Variants in JAK2 observed in about 807,000 individuals in gnomAD.
JAK2 encodes tyrosine-protein kinase JAK2.
JAK2 carries 86 observed loss-of-function variants against 139.3 expected under a neutral mutation model. The observed-to-expected ratio is 0.62, with a 90% confidence interval of 0.52 to 0.74. JAK2 has a LOEUF of 0.74. Ranked by LOEUF, JAK2 falls within the 30% of genes least tolerant of loss-of-function variation. The probability of loss-of-function intolerance (pLI) is 0.00; values close to 1 mark genes in which losing one functional copy is unlikely to be tolerated. For missense variants in JAK2, 1,421 were observed against 1,360.3 expected, an observed-to-expected ratio of 1.04 and a Z score of -0.70; for synonymous variants, 490 against 437.7, an observed-to-expected ratio of 1.12 and a Z score of -1.49.
At chr9:5,120,485 C>T (rs992669762) in intron 22 of JAK2, among the ~76,000 whole-genome samples, 3 of 152,114 alleles carry the variant, frequency 2.0e-5, no homozygotes, top group Non-Finnish European at 4.4e-5. Flanking sequence ...TTTTCTTGTT[C>T]GAAAAGGCTC....
chr9:5,022,917 T>C (rs1822525618), intron 3 of JAK2, among the ~76,000 whole-genome samples: 1 of 152,240 alleles, frequency 6.6e-6, no homozygotes, highest in Admixed American at 6.5e-5. Context: ...ATGTCTAATA[T>C]AGTATTTATA....
rs1819634942 is a variant in JAK2 at position 5,080,789 on chromosome 9, T to C, written c.2434+106T>C. On this transcript the variant is annotated intron_variant, in intron 18 of 24. Coordinates refer to ENST00000381652, the MANE Select transcript of JAK2 (RefSeq NM_004972.4). ...CTTTAAAACATTTTCTTGATGTCAT[T>C]TGGGCCCTCTTAATTTCTTATGTTC... 1.0e-5 allele frequency: 8 copies of C among 799,300 alleles called. No individual in the cohort carries two copies. In the South Asian group the frequency reaches 1.8e-4, roughly 18 times the overall value. 49.5% of individuals were successfully genotyped at this position (799,300 alleles called of 1,614,324 possible).
chr9:5,016,969 T>A (rs1484770556), intron 2 of JAK2, among the ~76,000 whole-genome samples: 2 of 152,198 alleles, frequency 1.3e-5, no homozygotes, highest in African/African-American at 4.8e-5. Flanking sequence ...AGATTAAAAG[T>A]ATGTAGTCAT....
chr9:5,078,572 CT>C, intron 16 of JAK2, 128 bp downstream of exon 16: 3 of 719,636 alleles, frequency 4.2e-6, no homozygotes, highest in African/African-American at 1.8e-5. Flanking sequence ...AAAATTATCA[CT>C]TTTAGCAATT....
intron 3 of JAK2, among the ~76,000 whole-genome samples, chr9:5,023,366 C>T (rs1487825123): frequency 6.6e-6 from 1 of 152,140 alleles, no homozygotes; most frequent in East Asian, 1.9e-4. Context: ...CACTGGGCCC[C>T]AGGGGAGTAC....
intron 22 of JAK2, chr9:5,112,492 G>A (rs557983956): frequency 5.0e-5 from 28 of 555,088 alleles, no homozygotes; most frequent in East Asian, 2.3e-4. Context: ...AGACAAGGAC[G>A]AGGAGGAAGA....
intron 5 of JAK2, among the ~76,000 whole-genome samples, chr9:5,048,829 G>C (rs1297389966): frequency 6.6e-6 from 1 of 152,180 alleles, no homozygotes; most frequent in Non-Finnish European, 1.5e-5. Flanking sequence ...GAGAAATACA[G>C]ATGTAGAGTA....
chr9:5,072,226 G>C lies in JAK2; in HGVS notation c.1642-266G>C, dbSNP rs139682409. 3.9e-5 allele frequency among the ~76,000 whole-genome samples: 6 copies of C among 152,228 alleles called. No homozygotes were observed. In the East Asian group the frequency reaches 5.8e-4, roughly 15 times the overall value. ...TAAACACTGACTCTATTTTTAAAAAGTGACAATTATAGCCCATTCAGGAGA... is the reference window on the plus strand; with the variant it reads ...TAAACACTGACTCTATTTTTAAAAACTGACAATTATAGCCCATTCAGGAGA... On this transcript the variant is annotated intron_variant, in intron 12 of 24. Coordinates refer to ENST00000381652, the MANE Select transcript of JAK2 (RefSeq NM_004972.4).
intron 9 of JAK2, among the ~76,000 whole-genome samples, 158 bp from the exon 10 acceptor site, chr9:5,066,520 C>T (rs1818581703): frequency 6.6e-6 from 1 of 151,964 alleles, no homozygotes; most frequent in South Asian, 2.1e-4. Flanking sequence ...TAGCTTGGTA[C>T]TTTGATTTTT....
intron 22 of JAK2, chr9:5,096,886 T>C (rs549029175): frequency 1.3e-5 from 2 of 152,276 alleles, no homozygotes; most frequent in East Asian, 3.9e-4. Flanking sequence ...ATATCAATTA[T>C]AATTGGGGGT....
intron 8 of JAK2, among the ~76,000 whole-genome samples, chr9:5,064,422 C>T (rs2130487408): frequency 6.6e-6 from 1 of 150,626 alleles, no homozygotes; most frequent in South Asian, 2.1e-4. Flanking sequence ...CCCAGCTACT[C>T]ATGAGGGTGA....
intron 22 of JAK2, chr9:5,114,864 G>A (rs1272451016): frequency 4.4e-6 from 1 of 225,100 alleles, no homozygotes; most frequent in Non-Finnish European, 8.9e-6. Flanking sequence ...GGGAAGGGCT[G>A]GCCAGACCTT....
chr9:5,120,427 T>G lies in JAK2; in HGVS notation c.3060-2577T>G, dbSNP rs139385557. ...CAGGATTTTGCCCATGATATCATTTTTTTAAAAACTCAATTTCATTTAAAA... is the reference window on the plus strand; with the variant it reads ...CAGGATTTTGCCCATGATATCATTTGTTTAAAAACTCAATTTCATTTAAAA... On this transcript the variant is annotated intron_variant, in intron 22 of 24. Transcript: ENST00000381652. Among the ~76,000 whole-genome samples, 32 of 152,378 alleles carry G rather than the reference T, an allele frequency of 2.1e-4. No individual in the cohort carries two copies. The East Asian group carries it at 6.0e-3, about 28-fold the overall frequency.
In JAK2 at chr9:5,073,793, A is replaced by G; in HGVS notation, c.1864+8A>G. 6.4e-7 allele frequency: 1 copy of G among 1,558,980 alleles called. No individual in the cohort carries two copies. Among genetic ancestry groups the G allele is most frequent in the Non-Finnish European group, 8.8e-7 (1 of 1,132,798 alleles). ...GTGTCTGTGGAGACGAGAGTAAGTA[A>G]AACTACAGGCTTTCTAATGCCTTTC... On this transcript the variant is annotated splice_region_variant and intron_variant, in intron 14 of 24. Transcript: ENST00000381652.
In JAK2 at chr9:5,128,178, A is replaced by T. The variant is rs773541477; in HGVS notation, c.*1387A>T. The T allele has an allele frequency of 1.3e-5, 3 of 230,862 alleles. No individual in the cohort carries two copies. Among genetic ancestry groups the T allele is most frequent in the Admixed American group, 5.7e-5 (1 of 17,578 alleles). The allele number at this position is 230,862 out of a possible 1,614,324, so 14.3% of individuals were successfully genotyped here. ...TTGATTAAAAAGAAAATAGTTTCTT[A>T]CTTTATTTTTACTGGTATGTTCTAC... On this transcript the variant is annotated 3_prime_UTR_variant, in exon 25 of 25. Transcript: ENST00000381652.
upstream of JAK2, chr9:4,984,864 G>C (rs539297533): frequency 2.0e-3 from 312 of 152,292 alleles, no homozygotes; most frequent in Non-Finnish European, 3.6e-3. Flanking sequence ...AGCTCCAGCC[G>C]GGCACCAGCG....
rs538905763 is a variant in JAK2, at chr9:5,030,920, G to A, written c.350+1014G>A. 1.4e-4 allele frequency among the ~76,000 whole-genome samples: 22 copies of A among 152,094 alleles called. No homozygotes were observed. In the South Asian group the frequency reaches 3.3e-3, roughly 23 times the overall value. ...ATAAATGTTCAAAGAAATAATAGAT[G>A]TACAAAAATCAACAGCATTCTTATA... On this transcript the variant is annotated intron_variant, in intron 4 of 24. Coordinates refer to ENST00000381652, the MANE Select transcript of JAK2 (RefSeq NM_004972.4).
At chr9:4,998,046 T>A (rs1333054497) in intron 2 of JAK2, among the ~76,000 whole-genome samples, 1 of 152,236 alleles carries the variant, frequency 6.6e-6, no homozygotes, top group Non-Finnish European at 1.5e-5. Flanking sequence ...TTCATACTGA[T>A]TTAAACAACT....
At chr9:4,989,154 A>G (rs761509360) in intron 2 of JAK2, among the ~76,000 whole-genome samples, 18 of 152,198 alleles carry the variant, frequency 1.2e-4, no homozygotes, top group East Asian at 3.8e-4. Context: ...AAGATAGTCT[A>G]TTATCAATCC....
Sources: allele counts gnomAD v4.1 joint callset (sites outside exome capture counted in the v4.1 genomes callset), GRCh38; gene constraint gnomAD v4.1.1; transcripts MANE v1.5; gene names NCBI Gene and HGNC (gene_info 2026-07-23, HGNC 2026-07-21).